Variants in TSNAXIP1 observed in about 807,000 individuals in gnomAD.
TSNAXIP1 encodes the protein translin-associated factor X-interacting protein 1.
Under a neutral mutation model 84.8 loss-of-function variants are expected in TSNAXIP1, and 89 were observed. That is an observed-to-expected ratio of 1.05 (90% CI 0.88 to 1.25). The LOEUF is 1.25. Among genes scored for constraint, TSNAXIP1 ranks in the 50% most tolerant of loss-of-function variants. The pLI is 0.00. For missense variants in TSNAXIP1, 874 were observed against 887.6 expected, an observed-to-expected ratio of 0.98 and a Z score of 0.20; for synonymous variants, 347 against 335.2, an observed-to-expected ratio of 1.04 and a Z score of -0.39.
chr16:67,825,945 A>G lies in TSNAXIP1; in HGVS notation c.1013A>G (p.Glu338Gly). 1 of 1,614,070 alleles carries G rather than the reference A, an allele frequency of 6.2e-7. No homozygotes were observed. Among genetic ancestry groups the G allele is most frequent in the Non-Finnish European group, 8.5e-7 (1 of 1,180,024 alleles). The change falls in exon 9 of 16, where the codon GAG (glutamate) becomes GGG (glycine). Residue 338 changes from glutamate (E) to glycine (G), a missense_variant. Coordinates refer to ENST00000561639, the MANE Select transcript of TSNAXIP1 (RefSeq NM_001288990.3). The stretch of plus-strand genomic sequence containing the variant: ...GACACCCTGAGAGCCAGCTACGAGG[A>G]GGTTCGCAAGGAGCATGAGATCCTC... ...QLDTLRASYEEVRKEHEILMQ... is the reference protein window; with the variant it reads ...QLDTLRASYEGVRKEHEILMQ...
At chr16:67,823,571 C>A in intron 4 of TSNAXIP1, 55 bp from the exon 5 acceptor site, 2 of 1,421,764 alleles carry the variant, frequency 1.4e-6, no homozygotes, top group South Asian at 1.2e-5. Context: ...AAACAGTTCC[C>A]CACTAAGGTT....
rs773159253 is a variant in TSNAXIP1 at position 67,807,139 on chromosome 16, G to T, written c.-11G>T. 5.9e-6 allele frequency: 9 copies of T among 1,534,934 alleles called. No individual in the cohort carries two copies. The South Asian group carries it at 9.5e-5, about 16-fold the overall frequency. On this transcript the variant is annotated 5_prime_UTR_variant, in exon 1 of 16. Transcript: ENST00000561639. ...GGCCGCGGGTGCTGATTGCCCGCCT[G>T]CCCGTGGGTCATGGCCTGCCAGCAG...
At chr16:67,820,113 C>T (rs529398314) in intron 2 of TSNAXIP1, among the ~76,000 whole-genome samples, 35 of 151,818 alleles carry the variant, frequency 2.3e-4, no homozygotes, top group Non-Finnish European at 3.4e-4. Context: ...CCACCATGCC[C>T]GGCCTAATTT....
chr16:67,820,388 G>A (rs901044208), intron 2 of TSNAXIP1, among the ~76,000 whole-genome samples: 6 of 152,158 alleles, frequency 3.9e-5, no homozygotes, highest in South Asian at 2.1e-4. Flanking sequence ...GACTTAACCC[G>A]AGTCTTCTCT....
chr16:67,817,748 G>A (rs571019112), intron 2 of TSNAXIP1, among the ~76,000 whole-genome samples: 2 of 142,364 alleles, frequency 1.4e-5, no homozygotes, highest in Non-Finnish European at 3.0e-5. Flanking sequence ...AAAATTTGCC[G>A]GGTGTGGTGG....
In TSNAXIP1 at chr16:67,821,228, C is replaced by T; in HGVS notation, c.387+3C>T. 6.9e-7 allele frequency: 1 copy of T among 1,439,164 alleles called. No individual in the cohort carries two copies. Among genetic ancestry groups the T allele is most frequent in the South Asian group, 1.1e-5 (1 of 87,512 alleles). The allele number at this position is 1,439,164 out of a possible 1,614,324, so 89.1% of individuals were successfully genotyped here. A position where few individuals can be genotyped will look rare whatever the true frequency, so the allele number is the denominator to read the frequency against. On this transcript the variant is annotated splice_donor_region_variant and intron_variant, in intron 4 of 15. Transcript: ENST00000561639. ...CCACCCAGGAACTAAGGCTGCAGGT[C>T]AGAGCCACAGAAGAAACTTGGGGAG... is the stretch of plus-strand genomic sequence containing the variant.
At chr16:67,822,922 A>G (rs960022822) in intron 4 of TSNAXIP1, among the ~76,000 whole-genome samples, 2 of 152,196 alleles carry the variant, frequency 1.3e-5, no homozygotes, top group Non-Finnish European at 2.9e-5. Context: ...CCCTACTTGC[A>G]TGTCAGGATG....
chr16:67,813,007 G>A (rs1327094689), intron 1 of TSNAXIP1, among the ~76,000 whole-genome samples: 1 of 151,704 alleles, frequency 6.6e-6, no homozygotes, highest in East Asian at 2.0e-4. Flanking sequence ...TGCAACCTCC[G>A]CCTCCCAGAT....
chr16:67,826,291 G>A lies in TSNAXIP1; in HGVS notation c.1275+9G>A. 3.2e-6 allele frequency: 5 copies of A among 1,575,526 alleles called. No homozygotes were observed. Among genetic ancestry groups the A allele is most frequent in the Non-Finnish European group, 4.3e-6 (5 of 1,159,064 alleles). On this transcript the variant is annotated intron_variant, in intron 10 of 15. Transcript: ENST00000561639. ...ACTTCTTCCCTGGTCTGGTAGGGGA[G>A]GCCCCAGGAGTGGGGCTTGGGCCAG...
chr16:67,816,947 CTT>C (rs539347982), intron 2 of TSNAXIP1, among the ~76,000 whole-genome samples: 7 of 140,198 alleles, frequency 5.0e-5, no homozygotes, highest in African/African-American at 5.2e-5. Context: ...GAGGACTGGT[CTT>C]TTTTTTTTTT....
intron 1 of TSNAXIP1, among the ~76,000 whole-genome samples, chr16:67,809,022 A>G (rs1350439425): frequency 6.8e-6 from 1 of 147,712 alleles, no homozygotes; most frequent in Non-Finnish European, 1.5e-5. Context: ...CCCTGTCCCT[A>G]CAAATAATAA....
At chr16:67,816,684 A>C (rs1427354187) in intron 2 of TSNAXIP1, among the ~76,000 whole-genome samples, 1 of 152,054 alleles carries the variant, frequency 6.6e-6, no homozygotes, top group East Asian at 1.9e-4. Context: ...TTTGCGCGGC[A>C]TCAACCACCA....
intron 1 of TSNAXIP1, among the ~76,000 whole-genome samples, chr16:67,813,929 C>A (rs2151203729): frequency 6.6e-6 from 1 of 152,046 alleles, no homozygotes; most frequent in South Asian, 2.1e-4. Flanking sequence ...TGCTTCTTGT[C>A]CTACAGCACC....
At position 67,807,028 on chromosome 16, in the gene TSNAXIP1, C is replaced by T. The variant is rs991116041; in HGVS notation, c.-122C>T. 5.5e-6 allele frequency: 8 copies of T among 1,441,966 alleles called. No individual in the cohort carries two copies. Among genetic ancestry groups the T allele is most frequent in the Admixed American group, 2.5e-5 (1 of 39,638 alleles). 89.3% of individuals were successfully genotyped at this position (1,441,966 alleles called of 1,614,324 possible). ...GCGGGCGCTAGGCTCGGGGGCGTGG[C>T]GCATCCCTGACTCCGCCCCCGCCGC... is the stretch of plus-strand genomic sequence containing the variant. On this transcript the variant is annotated 5_prime_UTR_variant, in exon 1 of 16. Transcript: ENST00000561639.
At chr16:67,823,345 C>G (rs1193585391) in intron 4 of TSNAXIP1, among the ~76,000 whole-genome samples, 1 of 151,920 alleles carries the variant, frequency 6.6e-6, no homozygotes, top group Non-Finnish European at 1.5e-5. Context: ...GAGATCGAGA[C>G]CATCCAGGCC....
At chr16:67,820,667 C>A (rs1218041355) in intron 2 of TSNAXIP1, among the ~76,000 whole-genome samples, 172 bp from the exon 3 acceptor site, 1 of 152,004 alleles carries the variant, frequency 6.6e-6, no homozygotes, top group African/African-American at 2.4e-5. Flanking sequence ...CAGCTTGAAC[C>A]TGGGAGGCGA....
At chr16:67,827,137 G>C (rs1159991892) in intron 13 of TSNAXIP1, 65 bp downstream of exon 13, 4 of 1,606,092 alleles carry the variant, frequency 2.5e-6, no homozygotes, top group Non-Finnish European at 1.7e-6. Context: ...TAGGGAAAAG[G>C]GGCACCTGGT....
chr16:67,812,166 C>A (rs887060057), intron 1 of TSNAXIP1, among the ~76,000 whole-genome samples: 1 of 151,920 alleles, frequency 6.6e-6, no homozygotes, highest in Admixed American at 6.6e-5. Context: ...AAATCACACA[C>A]CCCCACCCCA....
At chr16:67,818,853 A>T (rs2056807153) in intron 2 of TSNAXIP1, among the ~76,000 whole-genome samples, 1 of 151,874 alleles carries the variant, frequency 6.6e-6, no homozygotes, top group Non-Finnish European at 1.5e-5. Context: ...ACAGGCGTGC[A>T]CTACCAGGCC....
Sources: allele counts gnomAD v4.1 joint callset (sites outside exome capture counted in the v4.1 genomes callset), GRCh38; gene constraint gnomAD v4.1.1; transcripts MANE v1.5; gene names NCBI Gene and HGNC (gene_info 2026-07-23, HGNC 2026-07-21).